ADAM12: variants seen among roughly 807,000 people sequenced by gnomAD.
The protein encoded by ADAM12 is disintegrin and metalloproteinase domain-containing protein 12.
Under a neutral mutation model 106.4 loss-of-function variants are expected in ADAM12, and 70 were observed. The ratio of observed to expected loss-of-function variants is 0.66; its 90% CI spans 0.54 to 0.80. The LOEUF is 0.80. Ranked by LOEUF, ADAM12 falls within the 30% of genes least tolerant of loss-of-function variation. The pLI, the probability that ADAM12 is intolerant of heterozygous loss-of-function variation, is 0.00. For synonymous variants in ADAM12, 420 were observed against 433.5 expected, an observed-to-expected ratio of 0.97 and a Z score of 0.39; for missense variants, 1,010 against 1,171.9, an observed-to-expected ratio of 0.86 and a Z score of 2.02.
chr10:126,101,933 T>C lies in ADAM12; in HGVS notation c.742-692A>G, dbSNP rs11244812. ...AAATGAAGTTCCTCTTTTATGCGCC[T>C]GTGAAACAAAGCATCCGGCACACCA... On this transcript the variant is annotated intron_variant, in intron 8 of 22. Transcript: ENST00000448723. 2.0e-5 allele frequency among the ~76,000 whole-genome samples: 3 copies of C among 152,284 alleles called. No homozygotes were observed. The East Asian group carries it at 5.8e-4, about 29-fold the overall frequency.
chr10:126,131,213 C>T (rs1956299681), intron 5 of ADAM12, among the ~76,000 whole-genome samples: 1 of 150,490 alleles, frequency 6.6e-6, no homozygotes. Context: ...GCAGTTTTCC[C>T]TCAACCTGGT....
At chr10:126,337,953 T>G (rs1398634997) in intron 1 of ADAM12, among the ~76,000 whole-genome samples, 3 of 152,208 alleles carry the variant, frequency 2.0e-5, no homozygotes. Flanking sequence ...TTTGGACTTA[T>G]GATGACAAAA....
chr10:126,069,297 G>A (rs1446896342), intron 12 of ADAM12, among the ~76,000 whole-genome samples: 1 of 152,078 alleles, frequency 6.6e-6, no homozygotes, highest in East Asian at 1.9e-4. Flanking sequence ...ATAAAAAAAA[G>A]CAAATCTAAA....
chr10:126,150,339 C>T (rs1956707161), intron 4 of ADAM12, among the ~76,000 whole-genome samples: 1 of 152,226 alleles, frequency 6.6e-6, no homozygotes, highest in South Asian at 2.1e-4. Context: ...CGTTGATCCA[C>T]AGATCTTTAC....
At chr10:126,325,045 C>A (rs545445472) in intron 2 of ADAM12, among the ~76,000 whole-genome samples, 20 of 152,064 alleles carry the variant, frequency 1.3e-4, no homozygotes, top group African/African-American at 4.6e-4. Context: ...CCAGCGGGAC[C>A]CTTCATCAGA....
At chr10:126,279,949 C>T (rs1002253924) in intron 2 of ADAM12, among the ~76,000 whole-genome samples, 1 of 152,126 alleles carries the variant, frequency 6.6e-6, no homozygotes, top group South Asian at 2.1e-4. Context: ...TCAGTTATTT[C>T]GGTACTAGGC....
At chr10:126,101,362 T>G in intron 8 of ADAM12, 121 bp from the exon 9 acceptor site, 13 of 952,080 alleles carry the variant, frequency 1.4e-5, no homozygotes, top group Non-Finnish European at 1.9e-5. Context: ...AAAATATCTC[T>G]GTGCTCTTTG....
intron 16 of ADAM12, among the ~76,000 whole-genome samples, chr10:126,048,274 T>C (rs1363830874): frequency 6.6e-6 from 1 of 152,146 alleles, no homozygotes; most frequent in Non-Finnish European, 1.5e-5. Flanking sequence ...AACCTGCACA[T>C]GTACCCCTGA....
rs933026886 is a variant in ADAM12, at chr10:126,379,658, C to T, written c.88+8400G>A. The stretch of plus-strand genomic sequence containing the variant: ...TGTATACCTATGTAACAAAACTGCA[C>T]GTTCTGCCATGTACCCCAAAACTTA... On this transcript the variant is annotated intron_variant, in intron 1 of 22. Transcript: ENST00000448723. Among the ~76,000 whole-genome samples, 4 of 152,004 alleles carry T rather than the reference C, an allele frequency of 2.6e-5. No individual in the cohort carries two copies. The East Asian group carries it at 5.8e-4, about 22-fold the overall frequency.
At chr10:126,090,884 C>T (rs1418891291) in intron 11 of ADAM12, 2 of 152,190 alleles carry the variant, frequency 1.3e-5, no homozygotes, top group African/African-American at 4.8e-5. Context: ...AAGCCATCTA[C>T]AATACTTGGT....
intron 6 of ADAM12, among the ~76,000 whole-genome samples, chr10:126,115,252 G>A (rs1955958752): frequency 6.6e-6 from 1 of 152,220 alleles, no homozygotes; most frequent in Non-Finnish European, 1.5e-5. Context: ...ATTTGCATTT[G>A]CCTTTGGGAT....
At chr10:126,277,924 C>G (rs1276234768) in intron 3 of ADAM12, among the ~76,000 whole-genome samples, 1 of 152,182 alleles carries the variant, frequency 6.6e-6, no homozygotes, top group East Asian at 1.9e-4. Flanking sequence ...GTCTGTCTTG[C>G]TTAAAATGCT....
intron 3 of ADAM12, among the ~76,000 whole-genome samples, chr10:126,260,102 TCCATACACATTACCATACACATTA>T (rs908014261): frequency 6.6e-6 from 1 of 152,160 alleles, no homozygotes; most frequent in Non-Finnish European, 1.5e-5. Flanking sequence ...CAGCATTTCT[TCCATACACATTACCATACACATTA>T]CCATACACAT....
chr10:126,216,743 T>C (rs887007581), intron 3 of ADAM12, among the ~76,000 whole-genome samples: 2 of 152,156 alleles, frequency 1.3e-5, no homozygotes, highest in Non-Finnish European at 2.9e-5. Flanking sequence ...GTCAGGGAGG[T>C]GGCCTCCCTC....
At chr10:126,046,529 G>A (rs1954324465) in intron 16 of ADAM12, among the ~76,000 whole-genome samples, 1 of 151,806 alleles carries the variant, frequency 6.6e-6, no homozygotes, top group African/African-American at 2.4e-5. Context: ...GCGAGGTTGG[G>A]CACGGTTGCT....
At position 126,305,296 on chromosome 10, in the gene ADAM12, G is replaced by A. The variant is rs1229080907; in HGVS notation, c.186+25116C>T. 2.0e-5 allele frequency among the ~76,000 whole-genome samples: 3 copies of A among 151,944 alleles called. No homozygotes were observed. In the East Asian group the frequency reaches 5.8e-4, roughly 29 times the overall value. On this transcript the variant is annotated intron_variant, in intron 2 of 22. Coordinates refer to ENST00000448723, the MANE Select transcript of ADAM12 (RefSeq NM_001288973.2). Reference sequence around the variant, plus strand: ...ACTACTCAAGCAATAACAAGAAATGGACTCCTGATACCAACAACACAAATG... The same window carrying A: ...ACTACTCAAGCAATAACAAGAAATGAACTCCTGATACCAACAACACAAATG...
At chr10:126,324,633 A>G (rs1167345593) in intron 2 of ADAM12, among the ~76,000 whole-genome samples, 1 of 152,178 alleles carries the variant, frequency 6.6e-6, no homozygotes, top group Non-Finnish European at 1.5e-5. Context: ...GAAGAAGCAC[A>G]TGTCAGGATA....
chr10:126,048,805 T>G (rs1278709695), intron 16 of ADAM12, among the ~76,000 whole-genome samples: 2 of 152,006 alleles, frequency 1.3e-5, no homozygotes, highest in Non-Finnish European at 2.9e-5. Flanking sequence ...AGGACTCCCC[T>G]CTGGTTTTGA....
intron 7 of ADAM12, 148 bp from the exon 8 acceptor site, chr10:126,108,812 G>A (rs1010814205): frequency 1.4e-5 from 10 of 714,602 alleles, no homozygotes; most frequent in Admixed American, 5.4e-5. Flanking sequence ...GCATCCTGCC[G>A]ACTAACTTTC....
Sources: gnomAD v4.1 joint callset for allele counts (sites outside exome capture counted in the v4.1 genomes callset) on GRCh38, gnomAD v4.1.1 for gene constraint, MANE v1.5 for transcripts, NCBI Gene and HGNC (gene_info 2026-07-23, HGNC 2026-07-21) for gene names.